Variants in UBTF observed in about 807,000 individuals in gnomAD.
UBTF encodes the protein nucleolar transcription factor 1.
Under a neutral mutation model 112.3 loss-of-function variants are expected in UBTF, and 8 were observed. The observed-to-expected ratio is 0.07, with a 90% CI of 0.04 to 0.13. UBTF has a LOEUF of 0.13. Ranked by LOEUF, UBTF falls within the 10% of genes least tolerant of loss-of-function variation. UBTF has a pLI of 1.00. For synonymous variants in UBTF, 417 were observed against 373.1 expected (o/e 1.12, Z -1.36); for missense variants, 457 against 982.1 (o/e 0.47, Z 7.15).
rs112603806 is a variant in UBTF, at chr17:44,211,640, T to C, written c.1013A>G (p.Lys338Arg). Residue 338 changes from lysine to arginine, a missense_variant, in exon 10 of 21, where the codon AAG (lysine) becomes AGG (arginine). By Grantham distance (26) the Lys-to-Arg change is conservative. Around this residue, in one of 7 missense-constraint regions of UBTF, gnomAD observed 87 missense variants for 286.6 expected, o/e 0.30. Coordinates refer to ENST00000436088, the MANE Select transcript of UBTF (RefSeq NM_014233.4). The surrounding 1 kb of genome is among the most constrained non-coding windows in gnomAD (Gnocchi z 4.9). ...CSQQWKLLSQ[K>R]EKDAYHKKCD... ...CTTCTTGTGATAGGCGTCCTTCTCC[T>C]TCTGGGACAGCAGCTTCCACTGCTG... 1 of 1,611,768 alleles carries C rather than the reference T, an allele frequency of 6.2e-7. No individual in the cohort carries two copies. The highest frequency in any genetic ancestry group is 8.5e-7 in the Non-Finnish European group (1 of 1,179,982).
At chr17:44,216,151 C>T in intron 3 of UBTF, 162 bp from the exon 4 acceptor site, 1 of 664,848 alleles carries the variant, frequency 1.5e-6, no homozygotes, top group East Asian at 2.7e-5. Flanking sequence ...GCATGACACC[C>T]AGGCACTGGC....
intron 17 of UBTF, chr17:44,208,988 C>T (rs1220650133): frequency 6.3e-6 from 2 of 318,888 alleles, no homozygotes; most frequent in Non-Finnish European, 1.2e-5. Context: ...AGTTCGAGAC[C>T]AGCCTGCCCA....
Position 44,207,556 on chromosome 17 carries a change from G to A in UBTF, c.2067C>T (p.Asp689=), listed in dbSNP as rs1567786483. The change falls in exon 20 of 21, where the codon GAC becomes GAT. Residue 689 remains aspartate (D), a synonymous_variant. Transcript: ENST00000436088. ...EDDEEDEDDE[D]EDEEEEDDEN... Reference sequence around the variant, plus strand: ...CATCATCTTCCTCTTCTTCATCCTCGTCCTCGTCATCCTCATCCTCTTCAT... The same window carrying A: ...CATCATCTTCCTCTTCTTCATCCTCATCCTCGTCATCCTCATCCTCTTCAT... 6.2e-6 allele frequency: 10 copies of A among 1,613,906 alleles called. No homozygotes were observed. Among genetic ancestry groups the A allele is most frequent in the African/African-American group, 1.3e-5 (1 of 74,958 alleles).
chr17:44,212,295 C>G (rs768735402), intron 8 of UBTF, 49 bp downstream of exon 8: 4 of 1,520,046 alleles, frequency 2.6e-6, no homozygotes, highest in East Asian at 2.2e-5. Flanking sequence ...AGTCGGAGGG[C>G]AGAGGCTCGT....
rs1322639322 is a variant in UBTF, at chr17:44,211,198, CTGCA to C, written c.1090-50_1090-47del. 6.2e-7 allele frequency: 1 copy of C among 1,612,582 alleles called. No homozygotes were observed. Among genetic ancestry groups the C allele is most frequent in the South Asian group, 1.1e-5 (1 of 91,058 alleles). On this transcript the variant is annotated intron_variant, in intron 11 of 20. Coordinates refer to ENST00000436088, the MANE Select transcript of UBTF (RefSeq NM_014233.4). This position sits in a 1 kb window ranked among gnomAD's most constrained non-coding sequence, Gnocchi z 4.9. Reference sequence around the variant, plus strand: ...CGGGGCTGCATGCCTGGCACCCAGACTGCATGGTGCCCTATCTCCAGGGGCTCAC... The same window carrying C: ...CGGGGCTGCATGCCTGGCACCCAGACTGGTGCCCTATCTCCAGGGGCTCAC...
intron 3 of UBTF, chr17:44,216,190 C>T: frequency 3.3e-6 from 2 of 612,502 alleles, no homozygotes; most frequent in Non-Finnish European, 5.7e-6. Flanking sequence ...CCCAGGCAGT[C>T]AGTACACACC....
rs370902198 is a variant in UBTF, at chr17:44,212,458, C to T, written c.661-4G>A. Reference sequence around the variant, plus strand: ...CCTTCACCTCCTTCGTAGTGGCCTGCAAACCAAAAGCCGTCAGACACGCAC... The same window carrying T: ...CCTTCACCTCCTTCGTAGTGGCCTGTAAACCAAAAGCCGTCAGACACGCAC... On this transcript the variant is annotated splice_region_variant and splice_polypyrimidine_tract_variant and intron_variant, in intron 7 of 20. Coordinates refer to ENST00000436088, the MANE Select transcript of UBTF (RefSeq NM_014233.4). 17 of 1,347,658 alleles carry T rather than the reference C, an allele frequency of 1.3e-5. No individual in the cohort carries two copies. The Admixed American group carries it at 3.6e-4, about 28-fold the overall frequency. 83.5% of individuals were successfully genotyped at this position (1,347,658 alleles called of 1,614,324 possible). A position where few individuals can be genotyped will look rare whatever the true frequency, so the allele number is the denominator to read the frequency against.
intron 5 of UBTF, among the ~76,000 whole-genome samples, chr17:44,214,886 T>C (rs926517579): frequency 6.6e-6 from 1 of 152,168 alleles, no homozygotes; most frequent in Non-Finnish European, 1.5e-5. Context: ...TCTGTCCCCA[T>C]CCCATCTTCC....
chr17:44,218,743 T>TC (rs1347670165), intron 1 of UBTF, among the ~76,000 whole-genome samples: 3 of 145,058 alleles, frequency 2.1e-5, no homozygotes, highest in Non-Finnish European at 4.5e-5. Context: ...TCCTCCCGCC[T>TC]CCCCCCGGCC....
At chr17:44,219,120 A>C (rs1598275346) in intron 1 of UBTF, 1 of 150,108 alleles carries the variant, frequency 6.7e-6, no homozygotes, top group South Asian at 2.1e-4. Context: ...AGCCGAGCCA[A>C]GGAGAGGGCG....
rs758431302 is a variant in UBTF at position 44,218,266 on chromosome 17, C to T, written c.-37G>A. ...CCAGCCACCTCCTCGGTCGTGCTGG[C>T]CGGGCAACCCGGGGTCAAAGCCACC... On this transcript the variant is annotated 5_prime_UTR_variant, in exon 2 of 21. Transcript: ENST00000436088. 4 of 1,608,944 alleles carry T rather than the reference C, an allele frequency of 2.5e-6. No individual in the cohort carries two copies. Among genetic ancestry groups the T allele is most frequent in the South Asian group, 1.1e-5 (1 of 90,966 alleles).
Position 44,217,080 on chromosome 17 carries a change from G to C in UBTF, c.59-376C>G, listed in dbSNP as rs1298018602. Among the ~76,000 whole-genome samples, 11 of 152,212 alleles carry C rather than the reference G, an allele frequency of 7.2e-5. No homozygotes were observed. The East Asian group carries it at 2.1e-3, about 29-fold the overall frequency. On this transcript the variant is annotated intron_variant, in intron 2 of 20. Coordinates refer to ENST00000436088, the MANE Select transcript of UBTF (RefSeq NM_014233.4). ...GAAACGAGGTAGCTTGTCAGAGAAG[G>C]AGGGAAGCAGGGAAGCAATATATCT...
At position 44,209,342 on chromosome 17, in the gene UBTF, G is replaced by A. The variant is rs2056505500; in HGVS notation, c.1905+10C>T. 1.9e-6 allele frequency: 3 copies of A among 1,583,394 alleles called. No homozygotes were observed. The highest frequency in any genetic ancestry group is 2.6e-6 in the Non-Finnish European group (3 of 1,161,546). ...TCTCTGTTCCTTCCAAGGGTCCCTTGCCCTCTCACCTTAACCCAGAGGTCC... is the reference window on the plus strand; with the variant it reads ...TCTCTGTTCCTTCCAAGGGTCCCTTACCCTCTCACCTTAACCCAGAGGTCC... On this transcript the variant is annotated intron_variant, in intron 17 of 20. Coordinates refer to ENST00000436088, the MANE Select transcript of UBTF (RefSeq NM_014233.4).
intron 18 of UBTF, 24 bp downstream of exon 18, chr17:44,207,840 C>T (rs749728377): frequency 1.9e-6 from 3 of 1,614,002 alleles, no homozygotes; most frequent in Admixed American, 3.3e-5. Flanking sequence ...CCCTACCCCA[C>T]TGCTGCTCTG....
At chr17:44,216,854 C>A in intron 2 of UBTF, 150 bp from the exon 3 acceptor site, 1 of 734,666 alleles carries the variant, frequency 1.4e-6, no homozygotes, top group African/African-American at 1.8e-5. Context: ...ATGGCTCAGC[C>A]CTAAGGAAAC....
At position 44,219,596 on chromosome 17, in the gene UBTF, G is replaced by A. The variant is rs1185056376; in HGVS notation, c.-219C>T. ...CCGGGCGAGGCGGCGGCGCTGGGGCGGCGGCTGCTGCTGCTGTGGCGGCGG... is the reference window on the plus strand; with the variant it reads ...CCGGGCGAGGCGGCGGCGCTGGGGCAGCGGCTGCTGCTGCTGTGGCGGCGG... On this transcript the variant is annotated 5_prime_UTR_variant, in exon 1 of 21. Coordinates refer to ENST00000436088, the MANE Select transcript of UBTF (RefSeq NM_014233.4). 1 of 141,660 alleles carries A rather than the reference G, an allele frequency of 7.1e-6. No homozygotes were observed. Among genetic ancestry groups the A allele is most frequent in the Non-Finnish European group, 1.4e-5 (1 of 72,740 alleles). The allele number at this position is 141,660 out of a possible 1,614,324, so 8.8% of individuals were successfully genotyped here. A position where few individuals can be genotyped will look rare whatever the true frequency, so the allele number is the denominator to read the frequency against.
chr17:44,215,876 C>T (rs771111601), intron 4 of UBTF, 30 bp downstream of exon 4: 7 of 1,613,898 alleles, frequency 4.3e-6, no homozygotes, highest in Non-Finnish European at 8.5e-7. Context: ...TCCTCCCATA[C>T]CCCTCATGCT....
rs2056222071 is a variant in UBTF at position 44,206,008 on chromosome 17, G to A, written c.*1234C>T. ...GGGGTGGTGGGAGGATTCAAGGAAGGCTGGAGGGATGTGTAAGTTAGGAGC... is the reference window on the plus strand; with the variant it reads ...GGGGTGGTGGGAGGATTCAAGGAAGACTGGAGGGATGTGTAAGTTAGGAGC... On this transcript the variant is annotated 3_prime_UTR_variant, in exon 21 of 21. Coordinates refer to ENST00000436088, the MANE Select transcript of UBTF (RefSeq NM_014233.4). 1 of 152,180 alleles carries A rather than the reference G, an allele frequency of 6.6e-6. No homozygotes were observed. 9.4% of individuals were successfully genotyped at this position (152,180 alleles called of 1,614,324 possible). A position where few individuals can be genotyped will look rare whatever the true frequency, so the allele number is the denominator to read the frequency against.
At position 44,212,669 on chromosome 17, in the gene UBTF, G is replaced by A. The variant is rs1235788859; in HGVS notation, c.660+150C>T. ...CACGCACACACGCACACGCTTGCAC[G>A]CCAGCTGGCCCGGGCCCTGTCCATG... is the stretch of plus-strand genomic sequence containing the variant. On this transcript the variant is annotated intron_variant, in intron 7 of 20. Coordinates refer to ENST00000436088, the MANE Select transcript of UBTF (RefSeq NM_014233.4). 26 of 1,394,254 alleles carry A rather than the reference G, an allele frequency of 1.9e-5. 1 individual carries two copies. The Middle Eastern group carries it at 1.6e-3, about 85-fold the overall frequency. The allele number at this position is 1,394,254 out of a possible 1,614,324, so 86.4% of individuals were successfully genotyped here. A position where few individuals can be genotyped will look rare whatever the true frequency, so the allele number is the denominator to read the frequency against.
Sources: allele counts gnomAD v4.1 joint callset (sites outside exome capture counted in the v4.1 genomes callset), GRCh38; gene constraint gnomAD v4.1.1; regional missense constraint gnomAD v4.1.1; non-coding constraint Gnocchi (gnomAD v3.1); transcripts MANE v1.5; gene names NCBI Gene and HGNC (gene_info 2026-07-23, HGNC 2026-07-21).